The following BRIP1 variants were observed in gnomAD, a reference collection of about 807,000 sequenced individuals.
The protein encoded by BRIP1 is Fanconi anemia group J protein.
Under a neutral mutation model 119.7 loss-of-function variants are expected in BRIP1, and 88 were observed. That is an observed-to-expected ratio of 0.74 (90% CI 0.62 to 0.88). The LOEUF (loss-of-function observed/expected upper bound fraction) is 0.88. Ranked by LOEUF, BRIP1 falls within the 40% of genes least tolerant of loss-of-function variation. BRIP1 has a pLI of 0.00. For missense variants in BRIP1, 1,259 were observed against 1,455.4 expected (o/e 0.87, Z 2.20); for synonymous variants, 443 against 496.5 (o/e 0.89, Z 1.43).
rs1306340439 is a variant in BRIP1 at position 61,775,668 on chromosome 17, C to T, written c.2097+733G>A. On this transcript the variant is annotated intron_variant, in intron 14 of 19. Transcript: ENST00000259008. This position sits in a 1 kb window ranked among gnomAD's most constrained non-coding sequence, Gnocchi z 4.4. ...TGACTCTAAAAACAACAACAAAATT[C>T]TTCTGGCCAGATACATGAAGTAAAA... is the stretch of plus-strand genomic sequence containing the variant. Among the ~76,000 whole-genome samples the T allele has an allele frequency of 6.6e-6, 1 of 152,086 alleles. No individual in the cohort carries two copies. Among genetic ancestry groups the T allele is most frequent in the Admixed American group, 6.6e-5 (1 of 15,264 alleles).
chr17:61,695,704 T>C lies in BRIP1; in HGVS notation c.2493-2192A>G, dbSNP rs969667997. On this transcript the variant is annotated intron_variant, in intron 17 of 19. Transcript: ENST00000259008. This position sits in a 1 kb window ranked among gnomAD's most constrained non-coding sequence, Gnocchi z 4.3. ...CAGATCTTTCATCTCCTTAGTTAAG[T>C]ATATTTCTAAGTATTTTCTTCTTTC... Among the ~76,000 whole-genome samples the C allele has an allele frequency of 2.0e-5, 3 of 152,148 alleles. No individual in the cohort carries two copies. Among genetic ancestry groups the C allele is most frequent in the Non-Finnish European group, 4.4e-5 (3 of 67,994 alleles).
chr17:61,697,005 G>GAAAAAAA (rs1567740818), intron 17 of BRIP1, among the ~76,000 whole-genome samples: 4 of 114,204 alleles, frequency 3.5e-5, no homozygotes, highest in Non-Finnish European at 3.5e-5. Context: ...AAAAAAAAAG[G>GAAAAAAA]GGGGGGGAAG....
At chr17:61,785,034 TTAA>T (rs1175849599) in intron 10 of BRIP1, among the ~76,000 whole-genome samples, 1 of 152,178 alleles carries the variant, frequency 6.6e-6, no homozygotes, top group Non-Finnish European at 1.5e-5. Context: ...CAAAGACTCT[TTAA>T]TAATAAGTTA....
intron 14 of BRIP1, among the ~76,000 whole-genome samples, chr17:61,764,759 CT>C (rs1435622756): frequency 6.6e-6 from 1 of 151,874 alleles, no homozygotes; most frequent in Non-Finnish European, 1.5e-5. Context: ...CCCAAAAGTG[CT>C]TCCTATATTT....
intron 6 of BRIP1, among the ~76,000 whole-genome samples, chr17:61,826,981 T>C (rs921013592): frequency 4.6e-5 from 7 of 152,188 alleles, no homozygotes; most frequent in Non-Finnish European, 7.3e-5. Context: ...CGTATGTTCA[T>C]TGAAGCACTA....
At position 61,713,767 on chromosome 17, in the gene BRIP1, C is replaced by T. The variant is rs2061815511; in HGVS notation, c.2492+2184G>A. On this transcript the variant is annotated intron_variant, in intron 17 of 19. Transcript: ENST00000259008. The surrounding 1 kb of genome is among the most constrained non-coding windows in gnomAD (Gnocchi z 4.9). ...GAACTCCTGACCTTAAGTGATCTGC[C>T]CACCTTGGCCTCCCAAAGTGCTGGA... 6.6e-6 allele frequency among the ~76,000 whole-genome samples: 1 copy of T among 151,908 alleles called. No individual in the cohort carries two copies. Among genetic ancestry groups the T allele is most frequent in the African/African-American group, 2.4e-5 (1 of 41,344 alleles).
In BRIP1 at chr17:61,752,430, G is replaced by A. The variant is rs1237470915; in HGVS notation, c.2098-7839C>T. Among the ~76,000 whole-genome samples, 3 of 152,272 alleles carry A rather than the reference G, an allele frequency of 2.0e-5. No homozygotes were observed. The highest frequency in any genetic ancestry group is 2.1e-4 in the South Asian group (1 of 4,826). ...AAGGCCCACTAGAAGATTATCTAGG[G>A]AAATACACTTTGTTGAACTCACTGT... is the stretch of plus-strand genomic sequence containing the variant. On this transcript the variant is annotated intron_variant, in intron 14 of 19. Coordinates refer to ENST00000259008, the MANE Select transcript of BRIP1 (RefSeq NM_032043.3). The surrounding 1 kb of genome is among the most constrained non-coding windows in gnomAD (Gnocchi z 6.2).
At chr17:61,835,124 G>T (rs1020718592) in intron 6 of BRIP1, among the ~76,000 whole-genome samples, 2 of 142,618 alleles carry the variant, frequency 1.4e-5, no homozygotes, top group Non-Finnish European at 3.1e-5. Context: ...TCTCTTAGAT[G>T]ATGCTTTTAT....
At chr17:61,697,393 A>G (rs539336782) in intron 17 of BRIP1, among the ~76,000 whole-genome samples, 2 of 141,694 alleles carry the variant, frequency 1.4e-5, no homozygotes, top group African/African-American at 2.5e-5. Context: ...TCTTCTTGAT[A>G]TATTCTCAGT....
chr17:61,683,998 T>G lies in BRIP1; in HGVS notation c.3048A>C (p.Ile1016=), dbSNP rs2061322119. ...ACCCGAGCTCAGGTGTTGCCTTCGG[T>G]ATTTTACCAGTAAAATACTGTCCCA... The part of the protein sequence containing the change: ...NSLGQYFTGK[I]PKATPELGSS... Residue 1016 remains isoleucine (I), a synonymous_variant, in exon 20 of 20, where the codon ATA becomes ATC. Coordinates refer to ENST00000259008, the MANE Select transcript of BRIP1 (RefSeq NM_032043.3). The surrounding 1 kb of genome is among the most constrained non-coding windows in gnomAD (Gnocchi z 4.7). The G allele has an allele frequency of 6.2e-7, 1 of 1,614,166 alleles. No individual in the cohort carries two copies. Among genetic ancestry groups the G allele is most frequent in the Non-Finnish European group, 8.5e-7 (1 of 1,180,026 alleles).
At position 61,703,460 on chromosome 17, in the gene BRIP1, G is replaced by A. The variant is rs2061647327; in HGVS notation, c.2493-9948C>T. Among the ~76,000 whole-genome samples, 2 of 152,192 alleles carry A rather than the reference G, an allele frequency of 1.3e-5. No individual in the cohort carries two copies. ...GCATGTCTCCTTTTGAGAAATGTCT[G>A]TTCATGTCCTTTGGCCACTTTTTAA... On this transcript the variant is annotated intron_variant, in intron 17 of 19. Transcript: ENST00000259008. The surrounding 1 kb of genome is among the most constrained non-coding windows in gnomAD (Gnocchi z 5.0).
In BRIP1 at chr17:61,751,260, T is replaced by C. The variant is rs1401213902; in HGVS notation, c.2098-6669A>G. ...TACAAATATTATATGATTTCACTTA[T>C]ATGAGGTACCTAGAATAGACAAATT... is the stretch of plus-strand genomic sequence containing the variant. On this transcript the variant is annotated intron_variant, in intron 14 of 19. Transcript: ENST00000259008. This position sits in a 1 kb window ranked among gnomAD's most constrained non-coding sequence, Gnocchi z 6.7. Among the ~76,000 whole-genome samples, 1 of 152,174 alleles carries C rather than the reference T, an allele frequency of 6.6e-6. No individual in the cohort carries two copies. Among genetic ancestry groups the C allele is most frequent in the Non-Finnish European group, 1.5e-5 (1 of 68,032 alleles).
intron 16 of BRIP1, among the ~76,000 whole-genome samples, chr17:61,732,845 C>T (rs8074949): frequency 0.73 from 110,843 of 151,922 alleles, 41,060 homozygotes; most frequent in Middle Eastern, 0.82. Flanking sequence ...ACGTGTGCCA[C>T]CACACCGGGG....
chr17:61,808,694 T>C lies in BRIP1; in HGVS notation c.691A>G (p.Asn231Asp), dbSNP rs766340391. 6.2e-7 allele frequency: 1 copy of C among 1,613,994 alleles called. No individual in the cohort carries two copies. The highest frequency in any genetic ancestry group is 1.1e-5 in the South Asian group (1 of 91,076). ...TKQGNSQESSNTIKKDHTGKS... is the reference protein window; with the variant it reads ...TKQGNSQESSDTIKKDHTGKS... The stretch of plus-strand genomic sequence containing the variant: ...CCTGTATGATCCTTCTTAATGGTAT[T>C]CGATGACTCTTGACTGTTTCCTTGT... Residue 231 changes from asparagine (N) to aspartate (D), a missense_variant, in exon 7 of 20, where the codon AAT becomes GAT. Coordinates refer to ENST00000259008, the MANE Select transcript of BRIP1 (RefSeq NM_032043.3). This position sits in a 1 kb window ranked among gnomAD's most constrained non-coding sequence, Gnocchi z 4.1.
At position 61,861,544 on chromosome 17, in the gene BRIP1, C is replaced by T. The variant is rs754270436; in HGVS notation, c.-5G>A. On this transcript the variant is annotated 5_prime_UTR_variant, in exon 2 of 20. Transcript: ENST00000259008. The surrounding 1 kb of genome is among the most constrained non-coding windows in gnomAD (Gnocchi z 4.5). ...TTCAGACCACATTGAAGACATAGTGCTTTCCTGTTTATTTCAGATTCCTAA... is the reference window on the plus strand; with the variant it reads ...TTCAGACCACATTGAAGACATAGTGTTTTCCTGTTTATTTCAGATTCCTAA... The T allele has an allele frequency of 5.6e-6, 9 of 1,597,980 alleles. No homozygotes were observed. In the African/African-American group the frequency reaches 9.4e-5, roughly 17 times the overall value.
chr17:61,853,383 CTCTCT>C lies in BRIP1; in HGVS notation c.379+3670_379+3674del, dbSNP rs1180924390. ...GGCCTCTGGGGTGTTGGTAATGTCT[CTCTCT>C]TTTTTTTTTAATCTATGTAGTAGTT... On this transcript the variant is annotated intron_variant, in intron 4 of 19. Transcript: ENST00000259008. This position sits in a 1 kb window ranked among gnomAD's most constrained non-coding sequence, Gnocchi z 4.3. 7.2e-6 allele frequency among the ~76,000 whole-genome samples: 1 copy of C among 139,494 alleles called. No individual in the cohort carries two copies. Among genetic ancestry groups the C allele is most frequent in the African/African-American group, 2.5e-5 (1 of 40,028 alleles). The allele number at this position is 139,494 out of a possible 152,430, so 91.5% of individuals were successfully genotyped here.
rs770259793 is a variant in BRIP1 at position 61,759,651 on chromosome 17, A to T, written c.2098-15060T>A. On this transcript the variant is annotated intron_variant, in intron 14 of 19. Coordinates refer to ENST00000259008, the MANE Select transcript of BRIP1 (RefSeq NM_032043.3). The surrounding 1 kb of genome is among the most constrained non-coding windows in gnomAD (Gnocchi z 4.9). ...CCACCACAATAAAGCAAATATCACA[A>T]TAAAGTGAGTCATACATTTTTGTTA... Among the ~76,000 whole-genome samples the T allele has an allele frequency of 1.3e-5, 2 of 152,150 alleles. No homozygotes were observed. Among genetic ancestry groups the T allele is most frequent in the Non-Finnish European group, 2.9e-5 (2 of 67,976 alleles).
chr17:61,794,118 A>G lies in BRIP1; in HGVS notation c.1341-389T>C, dbSNP rs1291773990. Among the ~76,000 whole-genome samples the G allele has an allele frequency of 6.6e-6, 1 of 152,190 alleles. No individual in the cohort carries two copies. The highest frequency in any genetic ancestry group is 1.5e-5 in the Non-Finnish European group (1 of 68,032). Reference sequence around the variant, plus strand: ...AAAGTGTTACATATTAACACAAAAAAGAGAATTACTAGAAAATATATAAAT... The same window carrying G: ...AAAGTGTTACATATTAACACAAAAAGGAGAATTACTAGAAAATATATAAAT... On this transcript the variant is annotated intron_variant, in intron 9 of 19. Coordinates refer to ENST00000259008, the MANE Select transcript of BRIP1 (RefSeq NM_032043.3). This position sits in a 1 kb window ranked among gnomAD's most constrained non-coding sequence, Gnocchi z 4.3.
chr17:61,690,934 A>C lies in BRIP1; in HGVS notation c.2575+2496T>G, dbSNP rs2061438083. On this transcript the variant is annotated intron_variant, in intron 18 of 19. Coordinates refer to ENST00000259008, the MANE Select transcript of BRIP1 (RefSeq NM_032043.3). The surrounding 1 kb of genome is among the most constrained non-coding windows in gnomAD (Gnocchi z 5.6). ...ATGTAAGAAAACAATCCCATTTATA[A>C]TAGTATGAATGAAGCTGGAAACCAT... Among the ~76,000 whole-genome samples, 1 of 152,168 alleles carries C rather than the reference A, an allele frequency of 6.6e-6. No homozygotes were observed.
Sources: allele counts gnomAD v4.1 joint callset (sites outside exome capture counted in the v4.1 genomes callset), GRCh38; gene constraint gnomAD v4.1.1; non-coding constraint Gnocchi (gnomAD v3.1); transcripts MANE v1.5; gene names NCBI Gene and HGNC (gene_info 2026-07-23, HGNC 2026-07-21).